Variants in CCDC69 observed in about 807,000 individuals in gnomAD.
The protein encoded by CCDC69 is coiled-coil domain containing 69.
In CCDC69, 38 loss-of-function variants were observed where a neutral mutation model predicts 40.3. The observed-to-expected ratio is 0.94, with a 90% CI of 0.73 to 1.24. The LOEUF (loss-of-function observed/expected upper bound fraction) is 1.24. Ranked by LOEUF, CCDC69 falls within the 50% of genes most tolerant of loss-of-function variation. The probability of loss-of-function intolerance (pLI) is 0.00; values close to 1 mark genes in which losing one functional copy is unlikely to be tolerated. For synonymous variants in CCDC69, 141 were observed against 138.9 expected, an observed-to-expected ratio of 1.02 and a Z score of -0.11; for missense variants, 389 against 357.9, an observed-to-expected ratio of 1.09 and a Z score of -0.70.
In CCDC69 at chr5:151,182,809, GC is replaced by G; in HGVS notation, c.*627del. The G allele has an allele frequency of 2.9e-6, 1 of 342,114 alleles. No individual in the cohort carries two copies. The highest frequency in any genetic ancestry group is 7.8e-5 in the East Asian group (1 of 12,880). The allele number at this position is 342,114 out of a possible 1,614,324, so 21.2% of individuals were successfully genotyped here. ...ATGCCTCAGCTGGGGAGGCTGCCTG[GC>G]CCTGTCAGCCCCAAGGGCCTTCAGA... On this transcript the variant is annotated 3_prime_UTR_variant, in exon 9 of 9. Transcript: ENST00000355417.
Position 151,185,535 on chromosome 5 carries a change from C to A in CCDC69, c.502G>T (p.Gly168Trp), listed in dbSNP as rs1339316659. 1 of 1,613,976 alleles carries A rather than the reference C, an allele frequency of 6.2e-7. No individual in the cohort carries two copies. The highest frequency in any genetic ancestry group is 1.1e-5 in the South Asian group (1 of 91,058). ...TGCTCCCAGAACTGGCTGGGGCTCC[C>A]ATAATCCTAGACAGGGACAGAGTGA... Reference protein sequence around the residue: ...RNYKKHIQDYGSPSQFWEQEL... With the variant: ...RNYKKHIQDYWSPSQFWEQEL... The change falls in exon 7 of 9, where the codon GGG (glycine) becomes TGG (tryptophan). Residue 168 changes from glycine to tryptophan, a missense_variant. Transcript: ENST00000355417.
chr5:151,201,436 T>C, intron 3 of CCDC69, 146 bp downstream of exon 3: 1 of 569,356 alleles, frequency 1.8e-6, no homozygotes, highest in Non-Finnish European at 3.1e-6. Flanking sequence ...AAAATATGTG[T>C]TCAACAGATA....
chr5:151,199,917 T>A (rs1284867571), intron 3 of CCDC69, among the ~76,000 whole-genome samples: 2 of 152,200 alleles, frequency 1.3e-5, no homozygotes, highest in African/African-American at 4.8e-5. Context: ...AAAACCATTT[T>A]AATGTGTGTG....
At chr5:151,185,021 C>T (rs1752468930) in intron 7 of CCDC69, 1 of 155,178 alleles carries the variant, frequency 6.4e-6, no homozygotes, top group African/African-American at 2.4e-5. Flanking sequence ...AAGTCAGCAG[C>T]TTTTTGTTAA....
At chr5:151,216,959 A>C (rs1242702588) in intron 1 of CCDC69, among the ~76,000 whole-genome samples, 1 of 152,106 alleles carries the variant, frequency 6.6e-6, no homozygotes, top group Non-Finnish European at 1.5e-5. Context: ...GGGAATGAAG[A>C]AAGGCTGGTC....
chr5:151,206,068 G>T (rs958995053), intron 1 of CCDC69, among the ~76,000 whole-genome samples: 4 of 152,058 alleles, frequency 2.6e-5, no homozygotes, highest in Admixed American at 1.3e-4. Context: ...CACAAGTCTG[G>T]GCCTCCAGAA....
chr5:151,198,152 C>T (rs192764057), intron 4 of CCDC69, among the ~76,000 whole-genome samples: 228 of 152,254 alleles, frequency 1.5e-3, no homozygotes, highest in African/African-American at 4.5e-3. Flanking sequence ...AATTCTATCT[C>T]GGTCTATCTA....
At chr5:151,188,221 G>C (rs1225823251) in intron 4 of CCDC69, among the ~76,000 whole-genome samples, 1 of 152,130 alleles carries the variant, frequency 6.6e-6, no homozygotes, top group African/African-American at 2.4e-5. Flanking sequence ...ATGGGCAACT[G>C]ACAATCAACG....
intron 1 of CCDC69, among the ~76,000 whole-genome samples, chr5:151,216,122 C>A (rs1235128180): frequency 6.6e-6 from 1 of 152,148 alleles, no homozygotes; most frequent in African/African-American, 2.4e-5. Flanking sequence ...CCATGCCCAG[C>A]TAATTTTTGT....
chr5:151,198,336 A>G (rs932527430), intron 4 of CCDC69, among the ~76,000 whole-genome samples: 1 of 150,560 alleles, frequency 6.6e-6, no homozygotes, highest in African/African-American at 2.5e-5. Flanking sequence ...CTATCTATCT[A>G]TCTATCTATC....
At chr5:151,198,960 C>A in intron 4 of CCDC69, 37 bp downstream of exon 4, 1 of 1,540,668 alleles carries the variant, frequency 6.5e-7, no homozygotes, top group Non-Finnish European at 9.0e-7. Flanking sequence ...GGAAGCACCC[C>A]CCACCACCTT....
chr5:151,212,920 G>C, intron 1 of CCDC69: 1 of 455,916 alleles, frequency 2.2e-6, no homozygotes, highest in Non-Finnish European at 4.4e-6. Flanking sequence ...GTGGGGAATC[G>C]TGGTGGAAGT....
chr5:151,218,417 C>T (rs1455899730), intron 1 of CCDC69, among the ~76,000 whole-genome samples: 8 of 152,174 alleles, frequency 5.3e-5, no homozygotes, highest in Non-Finnish European at 1.0e-4. Context: ...GCCGTGTGGA[C>T]GGAAGCCCAA....
chr5:151,222,593 G>C (rs1239753950), intron 1 of CCDC69, among the ~76,000 whole-genome samples: 2 of 152,186 alleles, frequency 1.3e-5, no homozygotes, highest in African/African-American at 2.4e-5. Flanking sequence ...GGGTCACCCA[G>C]TATGTTTATG....
At chr5:151,205,503 G>A (rs543174745) in intron 1 of CCDC69, 28 bp from the exon 2 acceptor site, 52 of 1,603,286 alleles carry the variant, frequency 3.2e-5, no homozygotes, top group Non-Finnish European at 4.1e-5. Flanking sequence ...ACAGCAAGGC[G>A]TGGGTAGAGG....
intron 1 of CCDC69, chr5:151,212,086 G>A (rs1229548556): frequency 6.6e-6 from 1 of 151,688 alleles, no homozygotes; most frequent in African/African-American, 2.4e-5. Context: ...GCATAGGGCT[G>A]GGGTGGGGTA....
intron 7 of CCDC69, 123 bp downstream of exon 7, chr5:151,185,299 C>A: frequency 8.8e-7 from 1 of 1,135,594 alleles, no homozygotes; most frequent in Non-Finnish European, 1.3e-6. Flanking sequence ...GGTGGCAGGT[C>A]AAAGCTGGAG....
intron 4 of CCDC69, among the ~76,000 whole-genome samples, chr5:151,198,601 T>C (rs1483973386): frequency 1.3e-5 from 2 of 152,186 alleles, no homozygotes; most frequent in East Asian, 3.8e-4. Flanking sequence ...CCTTTGGTGA[T>C]ATAAGAGGAA....
At chr5:151,219,941 C>G (rs1753111444) in intron 1 of CCDC69, among the ~76,000 whole-genome samples, 1 of 152,066 alleles carries the variant, frequency 6.6e-6, no homozygotes, top group African/African-American at 2.4e-5. Context: ...TTTTTGGCCA[C>G]TTATTCCTCA....
Sources: allele counts gnomAD v4.1 joint callset (sites outside exome capture counted in the v4.1 genomes callset), GRCh38; gene constraint gnomAD v4.1.1; transcripts MANE v1.5; gene names NCBI Gene and HGNC (gene_info 2026-07-23, HGNC 2026-07-21).